The following TRPC4 variants were observed in gnomAD, a reference collection of about 807,000 sequenced individuals.
The protein encoded by TRPC4 is short transient receptor potential channel 4.
In TRPC4, 49 loss-of-function variants were observed where a neutral mutation model predicts 99.4. That is an observed-to-expected ratio of 0.49 (90% CI 0.39 to 0.63). The LOEUF (loss-of-function observed/expected upper bound fraction) is 0.63, where lower values mean the gene tolerates loss of function less well. Ranked by LOEUF, TRPC4 falls within the 20% of genes least tolerant of loss-of-function variation. TRPC4 has a pLI of 0.00. For synonymous variants in TRPC4, 454 were observed against 425.9 expected, an observed-to-expected ratio of 1.07 and a Z score of -0.81; for missense variants, 898 against 1,152.9, an observed-to-expected ratio of 0.78 and a Z score of 3.20.
intron 6 of TRPC4, among the ~76,000 whole-genome samples, chr13:37,662,535 T>C (rs561144268): frequency 6.6e-6 from 1 of 152,356 alleles, no homozygotes; most frequent in South Asian, 2.1e-4. Context: ...TATTATTGAC[T>C]TTTTTGTTAC....
intron 1 of TRPC4, among the ~76,000 whole-genome samples, chr13:37,855,429 A>G (rs1959165289): frequency 6.6e-6 from 1 of 151,498 alleles, no homozygotes; most frequent in South Asian, 2.1e-4. Context: ...CAATACAATC[A>G]CAGCTGGAGA....
At chr13:37,842,451 G>A (rs539190065) in intron 1 of TRPC4, among the ~76,000 whole-genome samples, 1 of 151,204 alleles carries the variant, frequency 6.6e-6, no homozygotes, top group South Asian at 2.1e-4. Context: ...AGAAAGAGTT[G>A]GTGATTCTTC....
At chr13:37,655,515 G>A (rs747581933) in intron 6 of TRPC4, among the ~76,000 whole-genome samples, 3 of 151,946 alleles carry the variant, frequency 2.0e-5, no homozygotes, top group Admixed American at 6.6e-5. Context: ...TTTCCCAAGA[G>A]CTTTGAAAGC....
At chr13:37,677,792 C>T (rs1953109461) in intron 4 of TRPC4, among the ~76,000 whole-genome samples, 3 of 152,228 alleles carry the variant, frequency 2.0e-5, no homozygotes, top group Non-Finnish European at 2.9e-5. Context: ...ACCTGAACAA[C>T]ACTACCAACA....
chr13:37,655,156 C>T lies in TRPC4; in HGVS notation c.1816G>A (p.Val606Ile). 6.2e-7 allele frequency: 1 copy of T among 1,606,182 alleles called. No individual in the cohort carries two copies. The highest frequency in any genetic ancestry group is 1.3e-5 in the African/African-American group (1 of 74,664). Residue 606 changes from valine (V) to isoleucine (I), a missense_variant, in exon 7 of 11, where the codon GTC becomes ATC. Transcript: ENST00000379705. ...VGATMFGTYNVISLVVLLNML... is the reference protein window; with the variant it reads ...VGATMFGTYNIISLVVLLNML... ...TTGAGTAGAACAACCAGAGAGATGA[C>T]ATTGTATGTCCCAAACATGGTGGCA...
intron 1 of TRPC4, among the ~76,000 whole-genome samples, chr13:37,792,434 G>T (rs996464950): frequency 6.6e-6 from 1 of 152,040 alleles, no homozygotes; most frequent in Non-Finnish European, 1.5e-5. Context: ...ACAAGAACGC[G>T]TGCATAAATG....
chr13:37,693,182 C>T (rs1271864812), intron 3 of TRPC4, among the ~76,000 whole-genome samples: 1 of 151,648 alleles, frequency 6.6e-6, no homozygotes, highest in Non-Finnish European at 1.5e-5. Context: ...TTTTCTCAAC[C>T]TTTCTCATTG....
chr13:37,815,145 C>T (rs1308226764), intron 1 of TRPC4, among the ~76,000 whole-genome samples: 11 of 151,568 alleles, frequency 7.3e-5, no homozygotes, highest in Non-Finnish European at 1.0e-4. Context: ...TGAAGTTGGA[C>T]CCAAACTTCA....
chr13:37,675,702 T>C (rs1408838400), intron 4 of TRPC4, among the ~76,000 whole-genome samples: 2 of 152,124 alleles, frequency 1.3e-5, no homozygotes, highest in African/African-American at 2.4e-5. Flanking sequence ...GGAAAAACTT[T>C]CCTGTACATA....
intron 1 of TRPC4, among the ~76,000 whole-genome samples, chr13:37,788,031 A>G (rs901372274): frequency 1.3e-5 from 2 of 152,096 alleles, no homozygotes; most frequent in Non-Finnish European, 2.9e-5. Context: ...GGATTGAGAA[A>G]ACATATCTTT....
At chr13:37,668,463 T>C (rs962116689) in intron 5 of TRPC4, among the ~76,000 whole-genome samples, 1 of 151,980 alleles carries the variant, frequency 6.6e-6, no homozygotes, top group African/African-American at 2.4e-5. Flanking sequence ...AAAAACAAAG[T>C]GGTTAGAGAA....
chr13:37,822,325 G>A (rs534714193), intron 1 of TRPC4, among the ~76,000 whole-genome samples: 5 of 151,922 alleles, frequency 3.3e-5, no homozygotes, highest in African/African-American at 1.2e-4. Flanking sequence ...TGCACAATGT[G>A]CAGGTTAGTT....
chr13:37,703,542 A>G (rs764198844), intron 3 of TRPC4, among the ~76,000 whole-genome samples: 9 of 152,210 alleles, frequency 5.9e-5, no homozygotes, highest in Non-Finnish European at 1.2e-4. Context: ...GACAGCATCA[A>G]AAGATATATA....
chr13:37,846,100 A>T (rs1302737422), intron 1 of TRPC4, among the ~76,000 whole-genome samples: 1 of 152,154 alleles, frequency 6.6e-6, no homozygotes, highest in East Asian at 1.9e-4. Flanking sequence ...GAAATGAGAA[A>T]GAAATAAAAA....
rs796314225 is a variant in TRPC4, at chr13:37,861,639, G to A, written c.-28+7956C>T. 9.2e-4 allele frequency among the ~76,000 whole-genome samples: 140 copies of A among 151,550 alleles called. 1 individual carries two copies. Among genetic ancestry groups the A allele is most frequent in the African/African-American group, 3.2e-3 (133 of 41,474 alleles). The stretch of plus-strand genomic sequence containing the variant: ...CATGAAAGGGCAAAATCATTTGCTG[G>A]TTCACTTTGTTCCAAGAACGTGCTG... On this transcript the variant is annotated intron_variant, in intron 1 of 10. Transcript: ENST00000379705.
intron 5 of TRPC4, among the ~76,000 whole-genome samples, chr13:37,673,446 G>T (rs1490398238): frequency 6.8e-6 from 1 of 147,934 alleles, no homozygotes; most frequent in Admixed American, 6.9e-5. Context: ...CATTATTTAT[G>T]TCACACCCAA....
chr13:37,730,639 T>C (rs1955212936), intron 3 of TRPC4, among the ~76,000 whole-genome samples: 1 of 151,952 alleles, frequency 6.6e-6, no homozygotes, highest in Non-Finnish European at 1.5e-5. Context: ...TATAAGTTGG[T>C]AGGCAACCTT....
chr13:37,830,022 T>TA (rs1225270542), intron 1 of TRPC4, among the ~76,000 whole-genome samples: 1 of 152,164 alleles, frequency 6.6e-6, no homozygotes, highest in African/African-American at 2.4e-5. Context: ...GAGTGACTGC[T>TA]AATGACTATG....
intron 3 of TRPC4, among the ~76,000 whole-genome samples, chr13:37,726,090 G>A (rs1392603021): frequency 6.6e-6 from 1 of 151,910 alleles, no homozygotes; most frequent in Non-Finnish European, 1.5e-5. Flanking sequence ...CAGCTACTCG[G>A]AAGGCTGAGG....
Sources: allele counts gnomAD v4.1 joint callset (sites outside exome capture counted in the v4.1 genomes callset), GRCh38; gene constraint gnomAD v4.1.1; transcripts MANE v1.5; gene names NCBI Gene and HGNC (gene_info 2026-07-23, HGNC 2026-07-21).